The following RBM26 variants were observed in gnomAD, a reference collection of about 807,000 sequenced individuals.
RBM26 encodes RNA binding motif protein 26.
A neutral mutation model predicts 123.6 loss-of-function variants in RBM26; 30 were observed. That is an observed-to-expected ratio of 0.24 (90% CI 0.18 to 0.33). The LOEUF is 0.33. Among genes scored for constraint, RBM26 ranks in the 10% least tolerant of loss-of-function variants. The pLI is 1.00. For synonymous variants in RBM26, 400 were observed against 404.4 expected, an observed-to-expected ratio of 0.99 and a Z score of 0.13; for missense variants, 947 against 1,203.6, an observed-to-expected ratio of 0.79 and a Z score of 3.15.
Position 79,333,461 on chromosome 13 carries a change from C to G in RBM26, c.2820+883G>C, listed in dbSNP as rs564299037. On this transcript the variant is annotated intron_variant, in intron 20 of 21. Transcript: ENST00000438737. ...TACCACTGTGCTGGCAGAGAACATT[C>G]ACTACAAAGAGGATAAATAAATGTA... 4.6e-5 allele frequency among the ~76,000 whole-genome samples: 7 copies of G among 152,332 alleles called. No individual in the cohort carries two copies. The South Asian group carries it at 1.2e-3, about 27-fold the overall frequency.
In RBM26 at chr13:79,334,429, T is replaced by A; in HGVS notation, c.2735A>T (p.Gln912Leu). The A allele has an allele frequency of 6.6e-7, 1 of 1,506,614 alleles. No homozygotes were observed. Among genetic ancestry groups the A allele is most frequent in the Non-Finnish European group, 9.0e-7 (1 of 1,109,884 alleles). 93.3% of individuals were successfully genotyped at this position (1,506,614 alleles called of 1,614,324 possible). Residue 912 changes from glutamine to leucine, a missense_variant and splice_region_variant, in exon 20 of 22, where the codon CAA becomes CTA. This residue lies in a region of RBM26 where 164 missense variants were observed against 215.3 expected (regional missense o/e 0.76). Coordinates refer to ENST00000438737, the MANE Select transcript of RBM26 (RefSeq NM_001366735.2). ...CTGACAATCTTCAATTTCACCATATTGCTTTAAATTAAAAAAAAAGTATTT... is the reference window on the plus strand; with the variant it reads ...CTGACAATCTTCAATTTCACCATATAGCTTTAAATTAAAAAAAAAGTATTT... ...DREDLLPHFA[Q>L]YGEIEDCQID...
intron 11 of RBM26, among the ~76,000 whole-genome samples, chr13:79,355,651 T>C (rs4497554): frequency 0.5 from 76,769 of 152,086 alleles, 19,782 homozygotes; most frequent in Middle Eastern, 0.6. Flanking sequence ...AAAGTGTTTC[T>C]CTTTTTATTC....
At chr13:79,329,464 T>C (rs2068960277) in intron 20 of RBM26, among the ~76,000 whole-genome samples, 1 of 152,000 alleles carries the variant, frequency 6.6e-6, no homozygotes, top group Non-Finnish European at 1.5e-5. Flanking sequence ...TATCTTTGCC[T>C]AATAAATAAA....
At chr13:79,314,856 T>C (rs2067009194), downstream of RBM26, 3 of 574,758 alleles carry the variant, frequency 5.2e-6, no homozygotes, top group African/African-American at 4.0e-5. Context: ...TTATAGTACA[T>C]GTAAACATCT....
chr13:79,363,293 T>C (rs1331704269), intron 9 of RBM26, among the ~76,000 whole-genome samples: 1 of 152,176 alleles, frequency 6.6e-6, no homozygotes, highest in African/African-American at 2.4e-5. Context: ...GAACGTGTAA[T>C]AATTATATAA....
rs528237005 is a variant in RBM26, at chr13:79,368,118, C to T, written c.895+612G>A. On this transcript the variant is annotated intron_variant, in intron 6 of 21. Transcript: ENST00000438737. ...TTGGCTTACTGCAAGCTCCACCTCC[C>T]GGTTTCACGCCTTCTCCTGCCTCAG... Among the ~76,000 whole-genome samples, 19 of 152,150 alleles carry T rather than the reference C, an allele frequency of 1.2e-4. No individual in the cohort carries two copies. In the East Asian group the frequency reaches 2.9e-3, roughly 23 times the overall value.
intron 19 of RBM26, among the ~76,000 whole-genome samples, chr13:79,334,995 T>C (rs2070085960): frequency 6.6e-6 from 1 of 152,166 alleles, no homozygotes; most frequent in Non-Finnish European, 1.5e-5. Flanking sequence ...GTTTAGAACA[T>C]TTAAAAGCTA....
At chr13:79,385,711 T>C (rs904740530) in intron 1 of RBM26, among the ~76,000 whole-genome samples, 2 of 152,158 alleles carry the variant, frequency 1.3e-5, no homozygotes, top group Non-Finnish European at 2.9e-5. Context: ...AAAACTAGCA[T>C]AAAAACTCTC....
chr13:79,399,519 T>C (rs1352633283), intron 1 of RBM26, among the ~76,000 whole-genome samples: 4 of 151,908 alleles, frequency 2.6e-5, no homozygotes, highest in Non-Finnish European at 5.9e-5. Flanking sequence ...ATATAAAAAG[T>C]AGAAAGATAT....
intron 3 of RBM26, among the ~76,000 whole-genome samples, chr13:79,372,697 TTA>T (rs2076027039): frequency 7.1e-6 from 1 of 140,092 alleles, no homozygotes; most frequent in Non-Finnish European, 1.5e-5. Flanking sequence ...ATATACATGT[TTA>T]TATATATAAA....
chr13:79,403,754 CTA>C (rs2140606853), intron 1 of RBM26, among the ~76,000 whole-genome samples: 1 of 152,340 alleles, frequency 6.6e-6, no homozygotes, highest in South Asian at 2.1e-4. Flanking sequence ...CACCGCTATA[CTA>C]TGATGCCCAC....
At chr13:79,331,380 G>A (rs1014636748) in intron 20 of RBM26, among the ~76,000 whole-genome samples, 4 of 151,734 alleles carry the variant, frequency 2.6e-5, no homozygotes, top group East Asian at 2.0e-4. Flanking sequence ...CAGCACTTTG[G>A]GATGCTGAGG....
intron 1 of RBM26, among the ~76,000 whole-genome samples, chr13:79,399,667 G>A (rs2078896779): frequency 6.6e-6 from 1 of 152,100 alleles, no homozygotes; most frequent in Admixed American, 6.5e-5. Context: ...CATGTCAGAA[G>A]AACTGGAAGG....
chr13:79,318,223 A>G (rs901914025), downstream of RBM26, among the ~76,000 whole-genome samples: 26 of 150,930 alleles, frequency 1.7e-4, no homozygotes, highest in Non-Finnish European at 3.6e-4. Flanking sequence ...CTCCATCAAT[A>G]ATTAGGAAAG....
rs1397617255 is a variant in RBM26 at position 79,365,775 on chromosome 13, T to C, written c.1277-57A>G. ...ATTATAAAACTCCACTTGGTAATTT[T>C]TTAATATTGATAAGAGAAAAAGTAA... On this transcript the variant is annotated intron_variant, in intron 8 of 21. Coordinates refer to ENST00000438737, the MANE Select transcript of RBM26 (RefSeq NM_001366735.2). 5 of 1,487,736 alleles carry C rather than the reference T, an allele frequency of 3.4e-6. No homozygotes were observed. The Admixed American group carries it at 5.7e-5, about 17-fold the overall frequency. 92.2% of individuals were successfully genotyped at this position (1,487,736 alleles called of 1,614,324 possible).
At position 79,319,972 on chromosome 13, in the gene RBM26, T is replaced by TTTG; in HGVS notation, c.*648_*649insCAA. On this transcript the variant is annotated 3_prime_UTR_variant, in exon 22 of 22. Coordinates refer to ENST00000438737, the MANE Select transcript of RBM26 (RefSeq NM_001366735.2). ...GGCTTTTTTTTTTTTTTTTTTTTTG[T>TTTG]CATTGCTTTTCTCTTTTCTTTCCTT... 4.7e-6 allele frequency: 2 copies of TTTG among 429,208 alleles called. No homozygotes were observed. Among genetic ancestry groups the TTTG allele is most frequent in the Non-Finnish European group, 5.7e-6 (2 of 353,156 alleles). The allele number at this position is 429,208 out of a possible 1,614,324, so 26.6% of individuals were successfully genotyped here. A position where few individuals can be genotyped will look rare whatever the true frequency, so the allele number is the denominator to read the frequency against.
chr13:79,357,943 C>T (rs889654022), intron 11 of RBM26, among the ~76,000 whole-genome samples: 8 of 148,722 alleles, frequency 5.4e-5, no homozygotes, highest in Non-Finnish European at 1.0e-4. Context: ...AGTGCAGTGG[C>T]GCAATCTCGG....
chr13:79,326,525 T>C (rs1460094886), intron 20 of RBM26, among the ~76,000 whole-genome samples: 1 of 152,120 alleles, frequency 6.6e-6, no homozygotes, highest in Non-Finnish European at 1.5e-5. Context: ...CAAATGTAGC[T>C]GATAATCTAG....
chr13:79,345,763 T>C (rs2072218356), intron 14 of RBM26, among the ~76,000 whole-genome samples: 1 of 152,024 alleles, frequency 6.6e-6, no homozygotes, highest in Non-Finnish European at 1.5e-5. Flanking sequence ...GGGCACAGGG[T>C]AAGTACTCAA....
Sources: gnomAD v4.1 joint callset for allele counts (sites outside exome capture counted in the v4.1 genomes callset) on GRCh38, gnomAD v4.1.1 for gene constraint, gnomAD v4.1.1 regional missense constraint, MANE v1.5 for transcripts, NCBI Gene and HGNC (gene_info 2026-07-23, HGNC 2026-07-21) for gene names.